The following KCNN2 variants were observed in gnomAD, a reference collection of about 807,000 sequenced individuals.
The protein encoded by KCNN2 is small conductance calcium-activated potassium channel protein 2.
KCNN2 carries 24 observed loss-of-function variants against 55.5 expected under a neutral mutation model. That is an observed-to-expected ratio of 0.43 (90% CI 0.31 to 0.61). The LOEUF (loss-of-function observed/expected upper bound fraction) is 0.61. Ranked by LOEUF, KCNN2 falls within the 20% of genes least tolerant of loss-of-function variation. The pLI is 0.08. For synonymous variants in KCNN2, 431 were observed against 336.1 expected (o/e 1.28, Z -3.09); for missense variants, 754 against 853.6 (o/e 0.88, Z 1.45).
rs79298908 is a variant in KCNN2, at chr5:114,233,317, G to T, written c.-185+11752G>T. On this transcript the variant is annotated intron_variant, in intron 2 of 10. Coordinates refer to the KCNN2 transcript ENST00000512097. ...AACACTCCTTTTATTAAGGTGATAG[G>T]CAACTTTGCGTATTTGATTATGTTT... 1.2e-3 allele frequency among the ~76,000 whole-genome samples: 187 copies of T among 152,188 alleles called. 2 individuals carry two copies. The East Asian group carries it at 0.032, about 26-fold the overall frequency.
chr5:114,483,348 C>T (rs896301524), intron 5 of KCNN2, among the ~76,000 whole-genome samples: 2 of 148,290 alleles, frequency 1.3e-5, no homozygotes, highest in Non-Finnish European at 3.0e-5. Context: ...GATCTCGGCT[C>T]ACTGCAACCT....
chr5:114,488,697 C>G (rs1747698933), intron 6 of KCNN2, among the ~76,000 whole-genome samples: 1 of 152,134 alleles, frequency 6.6e-6, no homozygotes, highest in Non-Finnish European at 1.5e-5. Flanking sequence ...CAGGCATCTT[C>G]CTCAAGGCAC....
chr5:114,449,914 G>GCGCGCA (rs1369683841), intron 3 of KCNN2, among the ~76,000 whole-genome samples: 1 of 131,694 alleles, frequency 7.6e-6, no homozygotes, highest in African/African-American at 3.8e-5. Flanking sequence ...ACACACGCGC[G>GCGCGCA]CGCTCGCGTG....
intron 2 of KCNN2, among the ~76,000 whole-genome samples, chr5:114,250,237 T>C (rs1754831520): frequency 6.6e-6 from 1 of 152,232 alleles, no homozygotes; most frequent in African/African-American, 2.4e-5. Flanking sequence ...ACAAGCTACA[T>C]TGTTCCTTAA....
intron 3 of KCNN2, among the ~76,000 whole-genome samples, chr5:114,426,937 A>G (rs970230904): frequency 2.0e-5 from 3 of 152,236 alleles, no homozygotes; most frequent in Admixed American, 2.0e-4. Context: ...GGGATGAAGC[A>G]TTACACACTC....
intron 2 of KCNN2, among the ~76,000 whole-genome samples, chr5:114,254,591 T>A (rs2150001564): frequency 6.6e-6 from 1 of 152,300 alleles, no homozygotes; most frequent in South Asian, 2.1e-4. Context: ...TATAAAAAAG[T>A]TATCACAGTA....
chr5:114,060,397 C>T (rs1374006900), intron 1 of KCNN2, among the ~76,000 whole-genome samples: 3 of 152,234 alleles, frequency 2.0e-5, no homozygotes, highest in Admixed American at 1.3e-4. Context: ...TACTGGTGTA[C>T]CTTAGTGCCT....
chr5:114,139,456 A>ACCC (rs773046400), intron 1 of KCNN2, among the ~76,000 whole-genome samples: 1 of 104,704 alleles, frequency 9.6e-6, no homozygotes, highest in Non-Finnish European at 2.3e-5. Flanking sequence ...CACTCACACA[A>ACCC]CCACCCCCCC....
intron 1 of KCNN2, among the ~76,000 whole-genome samples, chr5:114,216,903 T>A (rs1411711440): frequency 6.6e-6 from 1 of 152,094 alleles, no homozygotes; most frequent in Non-Finnish European, 1.5e-5. Context: ...TAATAAGCAA[T>A]TATAGCAAGG....
intron 2 of KCNN2, among the ~76,000 whole-genome samples, chr5:114,327,789 T>C (rs764169752): frequency 6.6e-6 from 1 of 152,206 alleles, no homozygotes; most frequent in Non-Finnish European, 1.5e-5. Flanking sequence ...CACTTTTAAA[T>C]AGAGTGTTCA....
At chr5:114,290,415 A>C (rs1252623258) in intron 2 of KCNN2, among the ~76,000 whole-genome samples, 1 of 151,994 alleles carries the variant, frequency 6.6e-6, no homozygotes. Flanking sequence ...AATCCTTTTT[A>C]TTCCTATAAG....
intron 2 of KCNN2, among the ~76,000 whole-genome samples, chr5:114,303,418 T>G (rs1756208221): frequency 6.6e-6 from 1 of 152,146 alleles, no homozygotes; most frequent in Admixed American, 6.5e-5. Context: ...AGTTTCTGCT[T>G]TAATACACAG....
intron 2 of KCNN2, among the ~76,000 whole-genome samples, chr5:114,353,233 G>T (rs990382800): frequency 6.6e-6 from 1 of 151,204 alleles, no homozygotes; most frequent in African/African-American, 2.4e-5. Context: ...TTGTTTGCAT[G>T]GTATAACAGA....
At chr5:114,187,388 A>G (rs547493910) in intron 1 of KCNN2, among the ~76,000 whole-genome samples, 7 of 152,272 alleles carry the variant, frequency 4.6e-5, no homozygotes, top group Admixed American at 2.0e-4. Flanking sequence ...CCTTCCTGAA[A>G]GGAGAGAAAA....
chr5:114,303,697 C>T (rs1756212826), intron 2 of KCNN2, among the ~76,000 whole-genome samples: 1 of 152,062 alleles, frequency 6.6e-6, no homozygotes, highest in Admixed American at 6.6e-5. Flanking sequence ...TACTTAATAA[C>T]TTAAGTTGCA....
chr5:114,492,404 G>GTTTGT (rs888525237), intron 6 of KCNN2, among the ~76,000 whole-genome samples: 25 of 152,094 alleles, frequency 1.6e-4, no homozygotes, highest in Middle Eastern at 3.4e-3. Flanking sequence ...ATGACTTTTT[G>GTTTGT]TTTGTTTTCA....
intron 1 of KCNN2, among the ~76,000 whole-genome samples, chr5:114,151,102 T>C (rs1322660805): frequency 2.1e-5 from 1 of 48,140 alleles, no homozygotes; most frequent in Non-Finnish European, 5.5e-5. Context: ...TGTTTTGTTT[T>C]TGAATTTTTT....
At chr5:114,406,259 T>C (rs906677711) in intron 3 of KCNN2, among the ~76,000 whole-genome samples, 5 of 152,036 alleles carry the variant, frequency 3.3e-5, no homozygotes, top group East Asian at 1.9e-4. Context: ...TTAAATACAA[T>C]TGCTTATGTT....
chr5:114,237,884 C>T lies in KCNN2; in HGVS notation c.-185+16319C>T, dbSNP rs541683925. On this transcript the variant is annotated intron_variant, in intron 2 of 10. Coordinates refer to the KCNN2 transcript ENST00000512097. ...TCAGGGAACTGAATCTTGTGATGCT[C>T]AGCTCTTGCCCCGTGGCCTTTTAGG... is the stretch of plus-strand genomic sequence containing the variant. Among the ~76,000 whole-genome samples the T allele has an allele frequency of 8.5e-5, 13 of 152,328 alleles. No individual in the cohort carries two copies. The South Asian group carries it at 2.3e-3, about 27-fold the overall frequency.
Sources: allele counts gnomAD v4.1 joint callset (sites outside exome capture counted in the v4.1 genomes callset), GRCh38; gene constraint gnomAD v4.1.1; transcripts MANE v1.5; gene names NCBI Gene and HGNC (gene_info 2026-07-23, HGNC 2026-07-21).